Variants in SASH1 observed in about 807,000 individuals in gnomAD.
SASH1 encodes SAM and SH3 domain containing 1.
SASH1 carries 44 observed loss-of-function variants against 125.2 expected under a neutral mutation model. The observed-to-expected ratio is 0.35, with a 90% CI of 0.28 to 0.45. The LOEUF (loss-of-function observed/expected upper bound fraction) is 0.45. Among genes scored for constraint, SASH1 ranks in the 20% least tolerant of loss-of-function variants. SASH1 has a pLI of 1.00. For synonymous variants in SASH1, 639 were observed against 649.1 expected (o/e 0.98, Z 0.24); for missense variants, 1,426 against 1,614.5 (o/e 0.88, Z 2.00).
intron 7 of SASH1, chr6:148,480,042 C>CT (rs1225324289): frequency 1.3e-5 from 2 of 152,400 alleles, no homozygotes; most frequent in African/African-American, 4.8e-5. Context: ...GATCTACCTT[C>CT]TTTAACTTAT....
upstream of SASH1, among the ~76,000 whole-genome samples, chr6:148,338,507 T>C (rs1317521690): frequency 6.6e-6 from 1 of 152,106 alleles, no homozygotes; most frequent in Non-Finnish European, 1.5e-5. Flanking sequence ...TCACTTGGAC[T>C]TATCATTCAA....
rs9390578 is a variant in SASH1 at position 148,519,627 on chromosome 6, C to G, written c.943C>G (p.Leu315Val). ...ALYSGVHKKP[L>V]FFDGSPEKPP... The stretch of plus-strand genomic sequence containing the variant: ...CTACTCTGGCGTGCACAAGAAGCCC[C>G]TTTTCTTTGATGGCTCTCCTGAGAA... The change falls in exon 10 of 20, where the codon CTT becomes GTT. Residue 315 changes from leucine (L) to valine (V), a missense_variant. Coordinates refer to ENST00000367467, the MANE Select transcript of SASH1 (RefSeq NM_015278.5). This position sits in a 1 kb window ranked among gnomAD's most constrained non-coding sequence, Gnocchi z 4.8. 5 of 1,614,016 alleles carry G rather than the reference C, an allele frequency of 3.1e-6. No homozygotes were observed. Among genetic ancestry groups the G allele is most frequent in the Non-Finnish European group, 4.2e-6 (5 of 1,180,038 alleles).
chr6:148,245,769 C>T, the SASH1 span, among the ~76,000 whole-genome samples: 1 of 151,822 alleles, frequency 6.6e-6, no homozygotes, highest in African/African-American at 2.4e-5. Flanking sequence ...GGGTGGATCA[C>T]GAGGTCAGGA....
At chr6:148,432,563 C>T (rs1012407794) in intron 2 of SASH1, among the ~76,000 whole-genome samples, 1 of 152,226 alleles carries the variant, frequency 6.6e-6, no homozygotes, top group Non-Finnish European at 1.5e-5. Context: ...CCGATCGCCT[C>T]TGGCTTTTTC....
chr6:148,467,868 C>T (rs1249735551), intron 4 of SASH1, among the ~76,000 whole-genome samples: 3 of 152,176 alleles, frequency 2.0e-5, no homozygotes, highest in East Asian at 1.9e-4. Flanking sequence ...ACCCAGGAGG[C>T]GGAGGTTGCA....
At chr6:148,310,075 G>A (rs1056192853) in intron 1 of SASH1, among the ~76,000 whole-genome samples, 5 of 152,026 alleles carry the variant, frequency 3.3e-5, no homozygotes, top group Admixed American at 2.6e-4. Flanking sequence ...TAATCCCAGC[G>A]CTTTGGGAAG....
intron 4 of SASH1, among the ~76,000 whole-genome samples, chr6:148,454,514 G>C (rs550648564): frequency 6.6e-6 from 1 of 152,270 alleles, no homozygotes; most frequent in East Asian, 1.9e-4. Flanking sequence ...GCTGACTGGG[G>C]GTTCTCTTAG....
chr6:148,261,023 T>A, the SASH1 span, among the ~76,000 whole-genome samples: 1 of 152,152 alleles, frequency 6.6e-6, no homozygotes, highest in South Asian at 2.1e-4. Context: ...CAGGCTGGTC[T>A]CGAACTCCTG....
intron 4 of SASH1, among the ~76,000 whole-genome samples, chr6:148,445,374 G>A (rs1776727876): frequency 6.6e-6 from 1 of 152,188 alleles, no homozygotes; most frequent in Non-Finnish European, 1.5e-5. Context: ...TCTCGGATTT[G>A]TGTCAACTGG....
At chr6:148,389,401 A>T (rs974331751) in intron 1 of SASH1, among the ~76,000 whole-genome samples, 3 of 152,324 alleles carry the variant, frequency 2.0e-5, no homozygotes, top group South Asian at 4.1e-4. Context: ...TGACATGTTT[A>T]TTTATTTATG....
the SASH1 span, among the ~76,000 whole-genome samples, chr6:148,222,018 C>T: frequency 2.0e-5 from 3 of 152,172 alleles, no homozygotes; most frequent in Non-Finnish European, 2.9e-5. Context: ...TTCCTCTCTT[C>T]CTTTATAAAG....
intron 1 of SASH1, among the ~76,000 whole-genome samples, chr6:148,296,098 T>G (rs1779754895): frequency 6.7e-6 from 1 of 149,286 alleles, no homozygotes; most frequent in Admixed American, 6.7e-5. Flanking sequence ...ATGGGATATT[T>G]GTGGGTTTTG....
chr6:148,216,799 C>T, the SASH1 span, among the ~76,000 whole-genome samples: 9 of 151,854 alleles, frequency 5.9e-5, no homozygotes, highest in Non-Finnish European at 8.8e-5. Context: ...GGTGCAATCT[C>T]GGCTCACTGC....
intron 2 of SASH1, among the ~76,000 whole-genome samples, chr6:148,394,953 C>T (rs554796663): frequency 2.0e-5 from 3 of 152,320 alleles, no homozygotes; most frequent in East Asian, 3.9e-4. Context: ...CAGTTTCTTT[C>T]TATGTTTGTC....
chr6:148,326,339 T>TATATATATATATGC (rs1780807257), intron 1 of SASH1, among the ~76,000 whole-genome samples: 2 of 76,342 alleles, frequency 2.6e-5, no homozygotes, highest in African/African-American at 9.6e-5. Flanking sequence ...TATATATATA[T>TATATATATATATGC]ATATATATAT....
intron 1 of SASH1, among the ~76,000 whole-genome samples, chr6:148,298,647 A>AAGGGAGGG (rs199849000): frequency 2.7e-4 from 25 of 92,542 alleles, no homozygotes; most frequent in African/African-American, 8.2e-4. Flanking sequence ...AGAAGGAAGG[A>AAGGGAGGG]AGGGAGGGAG....
chr6:148,449,729 G>C (rs919678509), intron 4 of SASH1, among the ~76,000 whole-genome samples: 2 of 152,184 alleles, frequency 1.3e-5, no homozygotes, highest in African/African-American at 4.8e-5. Flanking sequence ...ATTTAGCTCA[G>C]GGTTCTGCAG....
At position 148,551,553 on chromosome 6, in the gene SASH1, A is replaced by AAATT. The variant is rs1782877813; in HGVS notation, c.*2997_*3000dup. ...AACCCCCAGGTATGGGTGAAATTGG[A>AAATT]AATTACTAATCTATTGGAAATCAGT... On this transcript the variant is annotated 3_prime_UTR_variant, in exon 20 of 20. Transcript: ENST00000367467. 1 of 152,276 alleles carries AAATT rather than the reference A, an allele frequency of 6.6e-6. No homozygotes were observed. Among genetic ancestry groups the AAATT allele is most frequent in the African/African-American group, 2.4e-5 (1 of 41,458 alleles). The allele number at this position is 152,276 out of a possible 1,614,324, so 9.4% of individuals were successfully genotyped here.
intron 1 of SASH1, among the ~76,000 whole-genome samples, chr6:148,326,858 C>T (rs1161876406): frequency 6.6e-6 from 1 of 152,174 alleles, no homozygotes. Context: ...ATCCGCCCTC[C>T]GAGCTTGGCA....
Sources: gnomAD v4.1 joint callset for allele counts (sites outside exome capture counted in the v4.1 genomes callset) on GRCh38, gnomAD v4.1.1 for gene constraint, Gnocchi (gnomAD v3.1) non-coding constraint, MANE v1.5 for transcripts, NCBI Gene and HGNC (gene_info 2026-07-23, HGNC 2026-07-21) for gene names.